The following PIK3C2G variants were observed in gnomAD, a reference collection of about 807,000 sequenced individuals.
PIK3C2G encodes the protein phosphatidylinositol 3-kinase C2 domain-containing subunit gamma.
In PIK3C2G, 168 loss-of-function variants were observed where a neutral mutation model predicts 181.1. The ratio of observed to expected loss-of-function variants is 0.93; its 90% CI spans 0.82 to 1.05. The LOEUF (loss-of-function observed/expected upper bound fraction) is 1.05, where lower values mean the gene tolerates loss of function less well. Ranked by LOEUF, PIK3C2G falls within the 50% of genes least tolerant of loss-of-function variation. PIK3C2G has a pLI of 0.00. For missense variants in PIK3C2G, 1,869 were observed against 1,732.8 expected (o/e 1.08, Z -1.40); for synonymous variants, 573 against 592.2 (o/e 0.97, Z 0.47).
At chr12:18,709,668 G>A in the PIK3C2G span, among the ~76,000 whole-genome samples, 2 of 151,996 alleles carry the variant, frequency 1.3e-5, no homozygotes, top group Non-Finnish European at 2.9e-5. Flanking sequence ...GATCTTCTGA[G>A]GCTGGGACTT....
At chr12:18,406,049 A>C (rs915542199) in intron 16 of PIK3C2G, among the ~76,000 whole-genome samples, 3 of 152,080 alleles carry the variant, frequency 2.0e-5, no homozygotes, top group Non-Finnish European at 4.4e-5. Flanking sequence ...CCTCTCCCCA[A>C]AGCCTCTGGT....
the PIK3C2G span, chr12:18,700,067 C>T: frequency 2.4e-6 from 2 of 843,500 alleles, no homozygotes; most frequent in Non-Finnish European, 3.8e-6. Flanking sequence ...ATAAGATTAT[C>T]TCCTCAAACA....
At chr12:18,625,996 G>C (rs1442066521) in intron 31 of PIK3C2G, among the ~76,000 whole-genome samples, 1 of 151,684 alleles carries the variant, frequency 6.6e-6, no homozygotes, top group Admixed American at 6.6e-5. Context: ...TTTTATTAAA[G>C]AATTTAATAC....
chr12:18,703,881 TAC>T, the PIK3C2G span, among the ~76,000 whole-genome samples: 1 of 152,102 alleles, frequency 6.6e-6, no homozygotes, highest in East Asian at 1.9e-4. Flanking sequence ...ATAAGGAAAA[TAC>T]AGAGGGCAAT....
chr12:18,491,529 G>C lies in PIK3C2G; in HGVS notation c.2764G>C (p.Ala922Pro). ...VNTCHLPLNP[A>P]LCIKGIDHDA... Reference sequence around the variant, plus strand: ...TACTTGTCATCTTCCTCTGAACCCTGCCCTATGTATAAAAGGGATTGATCA... The same window carrying C: ...TACTTGTCATCTTCCTCTGAACCCTCCCCTATGTATAAAAGGGATTGATCA... Residue 922 changes from alanine (A) to proline (P), a missense_variant, in exon 20 of 33, where the codon GCC becomes CCC. By Grantham distance (27) the Ala-to-Pro change is conservative (BLOSUM62 -1). Transcript: ENST00000538779. The C allele has an allele frequency of 6.2e-7, 1 of 1,601,976 alleles. No individual in the cohort carries two copies. Among genetic ancestry groups the C allele is most frequent in the Non-Finnish European group, 8.6e-7 (1 of 1,169,518 alleles).
intron 14 of PIK3C2G, among the ~76,000 whole-genome samples, chr12:18,382,981 A>T (rs983845658): frequency 3.3e-5 from 5 of 152,202 alleles, no homozygotes; most frequent in African/African-American, 1.2e-4. Flanking sequence ...GTCCACTTCT[A>T]ATCTGTGGAC....
intron 10 of PIK3C2G, among the ~76,000 whole-genome samples, chr12:18,344,036 A>T (rs12312659): frequency 0.059 from 8,952 of 152,120 alleles, 895 homozygotes; most frequent in African/African-American, 0.21. Context: ...GAGTCTGTGA[A>T]TCTAGATTAA....
At chr12:18,701,733 G>T in the PIK3C2G span, 4 of 1,611,408 alleles carry the variant, frequency 2.5e-6, no homozygotes, top group East Asian at 2.2e-5. Flanking sequence ...TTCCTTTAAG[G>T]TTCCTATTTT....
chr12:18,674,369 A>T, the PIK3C2G span, among the ~76,000 whole-genome samples: 11 of 151,230 alleles, frequency 7.3e-5, no homozygotes, highest in African/African-American at 2.7e-4. Context: ...TTTGTTTTAC[A>T]TGTCTGCAAT....
chr12:18,563,555 GA>G, intron 28 of PIK3C2G, 57 bp downstream of exon 28: 8 of 1,533,386 alleles, frequency 5.2e-6, no homozygotes, highest in Non-Finnish European at 7.1e-6. Flanking sequence ...TGAGCAAAAA[GA>G]AAAATTATGG....
the PIK3C2G span, among the ~76,000 whole-genome samples, chr12:18,676,480 T>C: frequency 1.2e-4 from 19 of 152,222 alleles, no homozygotes; most frequent in African/African-American, 2.9e-4. Context: ...TAGTATCCCA[T>C]TGAGTACTCT....
intron 5 of PIK3C2G, among the ~76,000 whole-genome samples, chr12:18,308,846 T>C (rs115046408): frequency 2.6e-5 from 4 of 151,784 alleles, no homozygotes; most frequent in African/African-American, 9.6e-5. Context: ...ATAAATACTA[T>C]ATATTGCAAA....
intron 5 of PIK3C2G, among the ~76,000 whole-genome samples, chr12:18,294,731 T>C (rs1213773999): frequency 1.3e-5 from 2 of 152,044 alleles, no homozygotes; most frequent in African/African-American, 2.4e-5. Context: ...TATTGCATAG[T>C]TATTCTAAAC....
intron 16 of PIK3C2G, among the ~76,000 whole-genome samples, chr12:18,412,126 G>GA (rs1453347639): frequency 2.0e-5 from 3 of 152,098 alleles, no homozygotes; most frequent in Non-Finnish European, 4.4e-5. Context: ...AAATGTTTGA[G>GA]AAAAGAGAAG....
chr12:18,422,886 T>G (rs569198611), intron 17 of PIK3C2G, among the ~76,000 whole-genome samples: 1 of 152,214 alleles, frequency 6.6e-6, no homozygotes, highest in South Asian at 2.1e-4. Flanking sequence ...TAGAGTGCCA[T>G]GGCTACAGTT....
intron 24 of PIK3C2G, among the ~76,000 whole-genome samples, chr12:18,536,934 C>G (rs748128155): frequency 2.0e-5 from 3 of 152,016 alleles, no homozygotes; most frequent in Non-Finnish European, 4.4e-5. Flanking sequence ...AGTGAAGGTA[C>G]TGGTATTCCA....
At chr12:18,576,091 A>G (rs1946219658) in intron 29 of PIK3C2G, among the ~76,000 whole-genome samples, 2 of 152,252 alleles carry the variant, frequency 1.3e-5, no homozygotes, top group Admixed American at 6.5e-5. Context: ...TACACAAACT[A>G]CTATACAAAT....
In PIK3C2G at chr12:18,255,576, G is replaced by T. The variant is rs7975591; in HGVS notation, c.-79+7494G>T. Among the ~76,000 whole-genome samples the T allele has an allele frequency of 6.6e-5, 10 of 152,052 alleles. No individual in the cohort carries two copies. In the South Asian group the frequency reaches 2.1e-3, roughly 32 times the overall value. ...ACTGGTTGATGGTGTGTGTGTTGAGGGCGAGGGAGCAGACAGGAGAGCGCA... is the reference window on the plus strand; with the variant it reads ...ACTGGTTGATGGTGTGTGTGTTGAGTGCGAGGGAGCAGACAGGAGAGCGCA... On this transcript the variant is annotated intron_variant, in intron 1 of 11. Coordinates refer to the PIK3C2G transcript ENST00000535651.
the PIK3C2G span, among the ~76,000 whole-genome samples, chr12:18,664,218 T>G: frequency 1.3e-5 from 2 of 152,310 alleles, 1 homozygote; most frequent in Middle Eastern, 6.8e-3. Context: ...GTTTGGTGGT[T>G]CCTCAAAAAC....
Sources: allele counts gnomAD v4.1 joint callset (sites outside exome capture counted in the v4.1 genomes callset), GRCh38; gene constraint gnomAD v4.1.1; transcripts MANE v1.5; gene names NCBI Gene and HGNC (gene_info 2026-07-23, HGNC 2026-07-21).